SORCS1: variants seen among roughly 807,000 people sequenced by gnomAD.
SORCS1 encodes sortilin related VPS10 domain containing receptor 1.
SORCS1 carries 60 observed loss-of-function variants against 146.1 expected under a neutral mutation model. The observed-to-expected ratio is 0.41, with a 90% confidence interval of 0.33 to 0.51. SORCS1 has a LOEUF of 0.51. SORCS1 is among the 20% of genes least tolerant of loss of function. SORCS1 has a pLI of 0.21. For synonymous variants in SORCS1, 637 were observed against 584.0 expected, an observed-to-expected ratio of 1.09 and a Z score of -1.31; for missense variants, 1,352 against 1,487.6, an observed-to-expected ratio of 0.91 and a Z score of 1.50.
intron 2 of SORCS1, among the ~76,000 whole-genome samples, chr10:106,864,705 C>T (rs1047389045): frequency 1.3e-5 from 2 of 152,150 alleles, no homozygotes; most frequent in African/African-American, 4.8e-5. Context: ...AACAATTGCA[C>T]CTCACTGAGC....
intron 17 of SORCS1, among the ~76,000 whole-genome samples, chr10:106,656,441 C>T (rs1178262747): frequency 1.3e-5 from 2 of 152,080 alleles, no homozygotes; most frequent in Non-Finnish European, 2.9e-5. Context: ...GTCCCAGCTA[C>T]TCTACTCGGG....
intron 6 of SORCS1, among the ~76,000 whole-genome samples, chr10:106,720,735 A>C (rs1305113002): frequency 6.6e-6 from 1 of 152,030 alleles, no homozygotes; most frequent in Non-Finnish European, 1.5e-5. Flanking sequence ...CTGTGAGTGA[A>C]AAGTTTTCTG....
At chr10:106,671,531 T>C (rs1851604200) in intron 15 of SORCS1, among the ~76,000 whole-genome samples, 164 bp from the exon 16 acceptor site, 1 of 152,206 alleles carries the variant, frequency 6.6e-6, no homozygotes, top group Non-Finnish European at 1.5e-5. Context: ...AGAGCCCTAT[T>C]ATACAACCTG....
At chr10:107,107,475 T>C (rs750156074) in intron 1 of SORCS1, among the ~76,000 whole-genome samples, 3 of 152,226 alleles carry the variant, frequency 2.0e-5, no homozygotes, top group Admixed American at 2.0e-4. Context: ...AATCGGATAC[T>C]AGGCTGAGGA....
chr10:106,840,513 G>C (rs1249809859), intron 2 of SORCS1, among the ~76,000 whole-genome samples: 1 of 152,182 alleles, frequency 6.6e-6, no homozygotes, highest in African/African-American at 2.4e-5. Flanking sequence ...GGTGAATGTG[G>C]TGTAAACATT....
chr10:106,698,221 T>C (rs1392379099), intron 9 of SORCS1, among the ~76,000 whole-genome samples: 3 of 152,226 alleles, frequency 2.0e-5, no homozygotes, highest in Non-Finnish European at 2.9e-5. Context: ...ATTACAATGA[T>C]AGGTTAAAAT....
chr10:106,872,199 C>T (rs951295620), intron 2 of SORCS1, among the ~76,000 whole-genome samples: 1 of 152,088 alleles, frequency 6.6e-6, no homozygotes, highest in African/African-American at 2.4e-5. Flanking sequence ...ATAGCATAGC[C>T]AAAGAAGGCC....
At chr10:107,019,869 TA>T (rs1217790807) in intron 1 of SORCS1, among the ~76,000 whole-genome samples, 6 of 152,182 alleles carry the variant, frequency 3.9e-5, no homozygotes, top group Non-Finnish European at 8.8e-5. Context: ...GTCTGTTGGA[TA>T]GACAAGGAAA....
intron 10 of SORCS1, among the ~76,000 whole-genome samples, chr10:106,686,983 C>T (rs913940732): frequency 6.6e-6 from 1 of 152,198 alleles, no homozygotes; most frequent in Non-Finnish European, 1.5e-5. Context: ...CCTACAAGCC[C>T]TTCTTACTCA....
chr10:106,808,394 C>G (rs192897166), intron 3 of SORCS1, among the ~76,000 whole-genome samples: 1 of 152,302 alleles, frequency 6.6e-6, no homozygotes, highest in African/African-American at 2.4e-5. Context: ...GGCCCTCACT[C>G]CCATGCAATG....
At chr10:107,003,429 AGTGTGT>A (rs59467041) in intron 1 of SORCS1, among the ~76,000 whole-genome samples, 10,416 of 140,420 alleles carry the variant, frequency 0.074, 391 homozygotes, top group African/African-American at 0.08. Context: ...AATTCCCATA[AGTGTGT>A]GTGTGTGTGT....
chr10:107,112,322 T>C (rs955997874), intron 1 of SORCS1, among the ~76,000 whole-genome samples: 16 of 152,024 alleles, frequency 1.1e-4, no homozygotes, highest in Admixed American at 7.2e-4. Context: ...AACTAAAATA[T>C]TATAATTTTA....
At chr10:107,032,256 A>G (rs1958688717) in intron 1 of SORCS1, among the ~76,000 whole-genome samples, 1 of 152,202 alleles carries the variant, frequency 6.6e-6, no homozygotes, top group African/African-American at 2.4e-5. Flanking sequence ...GGACTAATTT[A>G]AGCAAGAAAG....
intron 8 of SORCS1, 69 bp from the exon 9 acceptor site, chr10:106,699,462 G>C (rs1053785987): frequency 7.0e-7 from 1 of 1,418,716 alleles, no homozygotes; most frequent in Non-Finnish European, 9.5e-7. Flanking sequence ...GGCATCCAAA[G>C]AGTGTGGAAT....
chr10:106,641,555 T>C (rs541075064), intron 18 of SORCS1, among the ~76,000 whole-genome samples: 2 of 152,290 alleles, frequency 1.3e-5, no homozygotes, highest in Admixed American at 1.3e-4. Context: ...TACCATGTTT[T>C]GACTGTTTTT....
intron 2 of SORCS1, among the ~76,000 whole-genome samples, chr10:106,838,746 C>G (rs1272944351): frequency 6.6e-6 from 1 of 152,190 alleles, no homozygotes; most frequent in Admixed American, 6.5e-5. Context: ...AATTTTGTGG[C>G]ATCCTGCAGG....
intron 1 of SORCS1, among the ~76,000 whole-genome samples, chr10:107,137,688 C>T (rs7902080): frequency 0.04 from 6,106 of 152,076 alleles, 304 homozygotes; most frequent in African/African-American, 0.12. Context: ...CATGGAGAAA[C>T]GCCATCTCTA....
At chr10:107,074,315 CT>C (rs996591168) in intron 1 of SORCS1, among the ~76,000 whole-genome samples, 5 of 152,050 alleles carry the variant, frequency 3.3e-5, no homozygotes, top group African/African-American at 1.2e-4. Flanking sequence ...TTCAGATTGG[CT>C]TTTTTCATTT....
In SORCS1 at chr10:107,024,582, G is replaced by A. The variant is rs1471350370; in HGVS notation, c.559-68002C>T. Among the ~76,000 whole-genome samples the A allele has an allele frequency of 2.0e-5, 3 of 152,110 alleles. No homozygotes were observed. In the South Asian group the frequency reaches 6.2e-4, roughly 32 times the overall value. On this transcript the variant is annotated intron_variant, in intron 1 of 25. Coordinates refer to ENST00000263054, the MANE Select transcript of SORCS1 (RefSeq NM_052918.5). ...ATGCCAACTCTAGATTTCTGTAACAGGAATCTACATTTTTAATAAGATCAC... is the reference window on the plus strand; with the variant it reads ...ATGCCAACTCTAGATTTCTGTAACAAGAATCTACATTTTTAATAAGATCAC...
Sources: gnomAD v4.1 joint callset for allele counts (sites outside exome capture counted in the v4.1 genomes callset) on GRCh38, gnomAD v4.1.1 for gene constraint, MANE v1.5 for transcripts, NCBI Gene and HGNC (gene_info 2026-07-23, HGNC 2026-07-21) for gene names.